Variants in FBXL17 observed in about 807,000 individuals in gnomAD.
FBXL17 encodes the protein F-box/LRR-repeat protein 17.
A neutral mutation model predicts 66.2 loss-of-function variants in FBXL17; 22 were observed. The observed-to-expected ratio is 0.33, with a 90% CI of 0.24 to 0.47. The LOEUF (loss-of-function observed/expected upper bound fraction) is 0.47. Ranked by LOEUF, FBXL17 falls within the 20% of genes least tolerant of loss-of-function variation. The pLI, the probability that FBXL17 is intolerant of heterozygous loss-of-function variation, is 1.00. For missense variants in FBXL17, 878 were observed against 948.2 expected, an observed-to-expected ratio of 0.93 and a Z score of 0.97; for synonymous variants, 474 against 400.5, an observed-to-expected ratio of 1.18 and a Z score of -2.19.
chr5:108,104,030 T>G (rs1224400140), intron 6 of FBXL17, among the ~76,000 whole-genome samples: 1 of 152,060 alleles, frequency 6.6e-6, no homozygotes, highest in Non-Finnish European at 1.5e-5. Context: ...CAACCAATTT[T>G]GTTGTTGTTG....
intron 4 of FBXL17, among the ~76,000 whole-genome samples, chr5:108,345,388 T>A (rs1307269826): frequency 6.6e-6 from 1 of 151,698 alleles, no homozygotes; most frequent in East Asian, 1.9e-4. Context: ...CTCAGTTCTC[T>A]GCTTCACCAT....
chr5:107,880,286 C>T (rs998393883), intron 8 of FBXL17: 88 of 796,638 alleles, frequency 1.1e-4, no homozygotes, highest in South Asian at 1.7e-4. Flanking sequence ...CCCATGTTGT[C>T]CAGGCTGGTC....
intron 7 of FBXL17, among the ~76,000 whole-genome samples, chr5:107,898,902 C>T (rs1020037013): frequency 5.9e-5 from 9 of 152,128 alleles, no homozygotes; most frequent in African/African-American, 1.4e-4. Context: ...TCTTTGCTAT[C>T]GTGAACAGTG....
At chr5:108,333,415 G>A (rs73781327) in intron 4 of FBXL17, among the ~76,000 whole-genome samples, 7,220 of 152,016 alleles carry the variant, frequency 0.047, 574 homozygotes, top group African/African-American at 0.17. Flanking sequence ...AAATGCTAAA[G>A]TGCTAAGATT....
intron 4 of FBXL17, among the ~76,000 whole-genome samples, chr5:108,248,430 T>C (rs1756204006): frequency 6.6e-6 from 1 of 151,952 alleles, no homozygotes; most frequent in Non-Finnish European, 1.5e-5. Context: ...TGAACTGAAA[T>C]AAAAGAACAT....
chr5:107,892,317 G>A (rs1749222966), intron 7 of FBXL17, among the ~76,000 whole-genome samples: 1 of 152,026 alleles, frequency 6.6e-6, no homozygotes. Context: ...TGTTTAAAGA[G>A]TTCACACTTA....
At chr5:108,181,576 C>T (rs1328382062) in intron 6 of FBXL17, among the ~76,000 whole-genome samples, 1 of 152,174 alleles carries the variant, frequency 6.6e-6, no homozygotes, top group East Asian at 1.9e-4. Context: ...CAATTTTGAA[C>T]TTAAAAAGTT....
At chr5:108,009,247 A>T (rs1269067613) in intron 7 of FBXL17, among the ~76,000 whole-genome samples, 1 of 57,732 alleles carries the variant, frequency 1.7e-5, no homozygotes, top group Non-Finnish European at 3.2e-5. Flanking sequence ...CTTGGTCGTG[A>T]GTTGTTCCCT....
chr5:108,332,404 A>C (rs1175275212), intron 4 of FBXL17, among the ~76,000 whole-genome samples: 1 of 152,160 alleles, frequency 6.6e-6, no homozygotes, highest in Non-Finnish European at 1.5e-5. Context: ...ACTTTTTATA[A>C]ATGCTTCCTC....
At chr5:108,173,414 AAAAG>A (rs1401571472) in intron 6 of FBXL17, among the ~76,000 whole-genome samples, 1 of 152,146 alleles carries the variant, frequency 6.6e-6, no homozygotes, top group Non-Finnish European at 1.5e-5. Flanking sequence ...TAAAATAAAA[AAAAG>A]AAAATAATCC....
At chr5:108,043,226 T>C (rs1747119525) in intron 6 of FBXL17, among the ~76,000 whole-genome samples, 1 of 152,218 alleles carries the variant, frequency 6.6e-6, no homozygotes. Flanking sequence ...GTTTTTAATT[T>C]TGATGAAATC....
intron 2 of FBXL17, among the ~76,000 whole-genome samples, chr5:108,367,444 A>G (rs1475996459): frequency 6.6e-6 from 1 of 152,170 alleles, no homozygotes; most frequent in East Asian, 1.9e-4. Flanking sequence ...CAAATGAACT[A>G]GTATGCATAA....
At chr5:108,340,856 C>T (rs1050740003) in intron 4 of FBXL17, among the ~76,000 whole-genome samples, 4 of 152,204 alleles carry the variant, frequency 2.6e-5, no homozygotes, top group East Asian at 1.9e-4. Context: ...AAGATGAGCA[C>T]ATATTCCTGG....
intron 5 of FBXL17, among the ~76,000 whole-genome samples, chr5:108,203,642 C>A (rs915127613): frequency 6.6e-6 from 1 of 152,046 alleles, no homozygotes; most frequent in Non-Finnish European, 1.5e-5. Context: ...ACTCAAGCAC[C>A]TATAATTAAT....
chr5:108,257,289 G>T (rs1207958163), intron 4 of FBXL17, among the ~76,000 whole-genome samples: 2 of 152,084 alleles, frequency 1.3e-5, no homozygotes, highest in Non-Finnish European at 2.9e-5. Context: ...ATAAAACAGG[G>T]ATTACTGGGA....
intron 8 of FBXL17, among the ~76,000 whole-genome samples, chr5:107,877,699 GT>G (rs1194381997): frequency 1.1e-4 from 17 of 152,024 alleles, no homozygotes; most frequent in African/African-American, 4.1e-4. Context: ...TGACCAAGGG[GT>G]TTGTTGAGTA....
chr5:108,158,827 T>A (rs890354086), intron 6 of FBXL17, among the ~76,000 whole-genome samples: 1 of 152,128 alleles, frequency 6.6e-6, no homozygotes, highest in Non-Finnish European at 1.5e-5. Context: ...AACCATGAAA[T>A]ATTCAGATTA....
At chr5:108,105,656 T>C (rs1749767547) in intron 6 of FBXL17, among the ~76,000 whole-genome samples, 1 of 152,222 alleles carries the variant, frequency 6.6e-6, no homozygotes, top group Admixed American at 6.5e-5. Flanking sequence ...ATCTACTTCA[T>C]TTATTATCCT....
chr5:108,068,603 G>A (rs951276901), intron 6 of FBXL17, among the ~76,000 whole-genome samples: 1 of 151,896 alleles, frequency 6.6e-6, no homozygotes. Flanking sequence ...CTACAGGCGC[G>A]TGCCACCATG....
Sources: gnomAD v4.1 joint callset for allele counts (sites outside exome capture counted in the v4.1 genomes callset) on GRCh38, gnomAD v4.1.1 for gene constraint, MANE v1.5 for transcripts, NCBI Gene and HGNC (gene_info 2026-07-23, HGNC 2026-07-21) for gene names.